GUCY2F: variants seen among roughly 807,000 people sequenced by gnomAD.
GUCY2F encodes retinal guanylyl cyclase 2.
Under a neutral mutation model 73.1 loss-of-function variants are expected in GUCY2F, and 61 were observed. The ratio of observed to expected loss-of-function variants is 0.83; its 90% CI spans 0.68 to 1.03. The LOEUF is 1.03. Ranked by LOEUF, GUCY2F falls within the 50% of genes least tolerant of loss-of-function variation. The pLI, the probability that GUCY2F is intolerant of heterozygous loss-of-function variation, is 0.00. For missense variants in GUCY2F, 912 were observed against 854.3 expected, an observed-to-expected ratio of 1.07 and a Z score of -0.84; for synonymous variants, 331 against 307.8, an observed-to-expected ratio of 1.08 and a Z score of -0.79.
chrX:109,395,439 G>A lies in GUCY2F; in HGVS notation c.2326C>T (p.Pro776Ser). The change falls in exon 12 of 20, where the codon CCT (proline) becomes TCT (serine). Residue 776 changes from proline to serine, a missense_variant. By Grantham distance (74) the Pro-to-Ser change is moderately conservative. Transcript: ENST00000218006. Reference sequence around the variant, plus strand: ...CATTCTGGAGGGGCATGCTCAGGAGGAACTACTGGTCTGTACACAGGAGGA... The same window carrying A: ...CATTCTGGAGGGGCATGCTCAGGAGAAACTACTGGTCTGTACACAGGAGGA... The part of the protein sequence containing the change: ...KPPPVYRPVV[P>S]PEHAPPECLQ... The A allele has an allele frequency of 1.7e-6, 2 of 1,196,353 alleles. No homozygotes were observed. Among genetic ancestry groups the A allele is most frequent in the Non-Finnish European group, 2.3e-6 (2 of 881,387 alleles).
rs763422584 is a variant in GUCY2F, at chrX:109,409,119, T to C, written c.1841A>G (p.Tyr614Cys). 8.9e-7 allele frequency: 1 copy of C among 1,128,006 alleles called. No individual in the cohort carries two copies. Among genetic ancestry groups the C allele is most frequent in the African/African-American group, 1.8e-5 (1 of 56,302 alleles). 93.0% of individuals were successfully genotyped at this position (1,128,006 alleles called of 1,213,427 possible). A position where few individuals can be genotyped will look rare whatever the true frequency, so the allele number is the denominator to read the frequency against. ...CACAATGGCAAACATCCCCGAATCA[T>C]AGAAGAAACCCAATAAAGGGTTAAT... ...ENINPLLGFF[Y>C]DSGMFAIVTE... Residue 614 changes from tyrosine to cysteine, a missense_variant, in exon 9 of 20, where the codon TAT becomes TGT. Tyr to Cys is a radical substitution (Grantham distance 194). Transcript: ENST00000218006.
chrX:109,421,683 A>G, intron 8 of GUCY2F, among the ~76,000 whole-genome samples: 1 of 111,944 alleles, frequency 8.9e-6, no homozygotes, highest in East Asian at 2.8e-4. Context: ...CAACAATGTG[A>G]ATATGCTTAA....
At chrX:109,410,378 T>C (rs957385525) in intron 8 of GUCY2F, among the ~76,000 whole-genome samples, 3 of 112,446 alleles carry the variant, frequency 2.7e-5, no homozygotes, top group Non-Finnish European at 3.8e-5. Context: ...ATAGGTTGTC[T>C]TTCTATGAAT....
chrX:109,432,429 G>GAATAAAAC (rs766001460), intron 7 of GUCY2F, among the ~76,000 whole-genome samples: 11 of 111,758 alleles, frequency 9.8e-5, no homozygotes, highest in Non-Finnish European at 1.1e-4. Flanking sequence ...TAAGCTGAAA[G>GAATAAAAC]AATAAAACTC....
rs903095534 is a variant in GUCY2F at position 109,392,196 on chromosome X, A to G, written c.2589-93T>C. The G allele has an allele frequency of 1.0e-5, 6 of 575,042 alleles. No homozygotes were observed. The African/African-American group carries it at 1.4e-4, about 13-fold the overall frequency. The allele number at this position is 575,042 out of a possible 1,213,427, so 47.4% of individuals were successfully genotyped here. A position where few individuals can be genotyped will look rare whatever the true frequency, so the allele number is the denominator to read the frequency against. Reference sequence around the variant, plus strand: ...AAATACACCAAATAAACCTCTAAAAATCACTGCTAATAAATGATGAGGAAG... The same window carrying G: ...AAATACACCAAATAAACCTCTAAAAGTCACTGCTAATAAATGATGAGGAAG... On this transcript the variant is annotated intron_variant, in intron 13 of 19. Transcript: ENST00000218006.
At chrX:109,397,833 T>C (rs751182825) in intron 11 of GUCY2F, among the ~76,000 whole-genome samples, 60 of 104,338 alleles carry the variant, frequency 5.8e-4, no homozygotes, top group African/African-American at 2.3e-3. Context: ...ATTGAGGTTA[T>C]GTATTTTTTT....
At chrX:109,425,777 C>T (rs1232386768) in intron 8 of GUCY2F, among the ~76,000 whole-genome samples, 2 of 110,674 alleles carry the variant, frequency 1.8e-5, no homozygotes, top group Non-Finnish European at 3.8e-5. Flanking sequence ...CCAAATACTA[C>T]CTGTTCCCCC....
chrX:109,410,834 A>G (rs1931091489), intron 8 of GUCY2F, among the ~76,000 whole-genome samples: 1 of 111,433 alleles, frequency 9.0e-6, no homozygotes, highest in African/African-American at 3.3e-5. Context: ...TGATGACATG[A>G]TGAGAGGGGT....
chrX:109,407,724 A>C (rs1931008024), intron 9 of GUCY2F, among the ~76,000 whole-genome samples: 1 of 113,293 alleles, frequency 8.8e-6, no homozygotes, highest in Admixed American at 9.2e-5. Flanking sequence ...GGCCAACATA[A>C]AGCTTGGGCT....
chrX:109,454,436 C>T (rs1478607447), intron 3 of GUCY2F, among the ~76,000 whole-genome samples: 1 of 111,593 alleles, frequency 9.0e-6, no homozygotes, highest in Admixed American at 9.5e-5. Flanking sequence ...CACATGTATG[C>T]ACACGCAGAC....
At chrX:109,377,063 A>G (rs1384397966) in intron 17 of GUCY2F, among the ~76,000 whole-genome samples, 2 of 112,321 alleles carry the variant, frequency 1.8e-5, no homozygotes, top group Non-Finnish European at 3.8e-5. Flanking sequence ...AGAAATTCCA[A>G]TTAGATTTAC....
rs753952849 is a variant in GUCY2F, at chrX:109,452,095, G to A, written c.1400C>T (p.Ala467Val). The change falls in exon 5 of 20, where the codon GCC becomes GTC. Residue 467 changes from alanine to valine, a missense_variant. Coordinates refer to ENST00000218006, the MANE Select transcript of GUCY2F (RefSeq NM_001522.3). ...GKICHGGIDP[A>V]FAMMVCLTLL... is the part of the protein sequence containing the mutation. Reference sequence around the variant, plus strand: ...AGTAAGGCAGACCATCATGGCAAAGGCAGGGTCGATGCCTGCAGAGAGTGA... The same window carrying A: ...AGTAAGGCAGACCATCATGGCAAAGACAGGGTCGATGCCTGCAGAGAGTGA... 1.4e-5 allele frequency: 16 copies of A among 1,104,453 alleles called. No homozygotes were observed. In the Middle Eastern group the frequency reaches 3.7e-3, roughly 253 times the overall value. 91.0% of individuals were successfully genotyped at this position (1,104,453 alleles called of 1,213,427 possible).
chrX:109,426,112 A>C (rs761350274), intron 8 of GUCY2F, among the ~76,000 whole-genome samples: 1 of 112,525 alleles, frequency 8.9e-6, no homozygotes, highest in Non-Finnish European at 1.9e-5. Flanking sequence ...TTCAAGTGCA[A>C]GCACAAAGAA....
At chrX:109,426,450 G>A (rs955168895) in intron 8 of GUCY2F, among the ~76,000 whole-genome samples, 6 of 112,165 alleles carry the variant, frequency 5.3e-5, no homozygotes, top group African/African-American at 1.9e-4. Context: ...GTGCAGTGGC[G>A]TGATCTCGGC....
chrX:109,461,089 A>C (rs1394361090), intron 3 of GUCY2F, among the ~76,000 whole-genome samples: 1 of 112,040 alleles, frequency 8.9e-6, no homozygotes, highest in Admixed American at 9.5e-5. Flanking sequence ...ATTGGGACAT[A>C]ACCATATTTA....
intron 17 of GUCY2F, among the ~76,000 whole-genome samples, chrX:109,377,229 A>AC (rs1930200755): frequency 1.8e-5 from 2 of 111,934 alleles, no homozygotes; most frequent in African/African-American, 6.5e-5. Context: ...GCCTTCTATG[A>AC]GGCAAGTAGA....
intron 2 of GUCY2F, among the ~76,000 whole-genome samples, chrX:109,466,254 A>G (rs1332400833): frequency 8.9e-6 from 1 of 111,781 alleles, no homozygotes; most frequent in Non-Finnish European, 1.9e-5. Context: ...GAAATCTGAA[A>G]TACTTTAATG....
chrX:109,430,646 C>A (rs764664646), intron 7 of GUCY2F, among the ~76,000 whole-genome samples: 2 of 112,224 alleles, frequency 1.8e-5, no homozygotes, highest in South Asian at 3.7e-4. Context: ...ACTCCAGAAA[C>A]GGAATGATAC....
chrX:109,448,136 T>C lies in GUCY2F; in HGVS notation c.1502A>G (p.Lys501Arg). The C allele has an allele frequency of 1.8e-6, 2 of 1,102,708 alleles. No homozygotes were observed. The highest frequency in any genetic ancestry group is 3.6e-5 in the African/African-American group (2 of 55,669). The allele number at this position is 1,102,708 out of a possible 1,213,427, so 90.9% of individuals were successfully genotyped here. A position where few individuals can be genotyped will look rare whatever the true frequency, so the allele number is the denominator to read the frequency against. The part of the protein sequence containing the change: ...RRRINKIQLI[K>R]GPNRILLTLE... ...AGTCAGTAGAATTCTATTGGGTCCTTTGATCAACTGGATTTTATTTATACG... is the reference window on the plus strand; with the variant it reads ...AGTCAGTAGAATTCTATTGGGTCCTCTGATCAACTGGATTTTATTTATACG... Residue 501 changes from lysine to arginine, a missense_variant, in exon 6 of 20, where the codon AAA becomes AGA. Physicochemically the swap from Lys to Arg is conservative, Grantham distance 26 (BLOSUM62 2). Coordinates refer to ENST00000218006, the MANE Select transcript of GUCY2F (RefSeq NM_001522.3).
Sources: gnomAD v4.1 joint callset for allele counts (sites outside exome capture counted in the v4.1 genomes callset) on GRCh38, gnomAD v4.1.1 for gene constraint, MANE v1.5 for transcripts, NCBI Gene and HGNC (gene_info 2026-07-23, HGNC 2026-07-21) for gene names.